VPS26C: variants seen among roughly 807,000 people sequenced by gnomAD.
The protein encoded by VPS26C is vacuolar protein sorting-associated protein 26C.
In VPS26C, 19 loss-of-function variants were observed where a neutral mutation model predicts 30.6. That is an observed-to-expected ratio of 0.62 (90% CI 0.43 to 0.91). VPS26C has a LOEUF of 0.91. Ranked by LOEUF, VPS26C falls within the 40% of genes least tolerant of loss-of-function variation. VPS26C has a pLI of 0.00. For missense variants in VPS26C, 318 were observed against 385.1 expected, an observed-to-expected ratio of 0.83 and a Z score of 1.46; for synonymous variants, 132 against 151.5, an observed-to-expected ratio of 0.87 and a Z score of 0.95.
chr21:37,245,835 T>C (rs894384247), intron 1 of VPS26C, among the ~76,000 whole-genome samples: 1 of 151,950 alleles, frequency 6.6e-6, no homozygotes, highest in Non-Finnish European at 1.5e-5. Flanking sequence ...AACAGAGCTA[T>C]AAGAGCTCAG....
rs756150340 is a variant in VPS26C, at chr21:37,238,503, T to C, written c.308A>G (p.Lys103Arg). 1 of 1,614,142 alleles carries C rather than the reference T, an allele frequency of 6.2e-7. No homozygotes were observed. The highest frequency in any genetic ancestry group is 8.5e-7 in the Non-Finnish European group (1 of 1,180,034). ...GCCATGATACGTCTCATACAGAACT[T>C]TGTTACCCTTCAAGTGCAGAGGAAA... ...FEFPLHLKGN[K>R]VLYETYHGVF... The change falls in exon 3 of 8, where the codon AAA becomes AGA. Residue 103 changes from lysine to arginine, a missense_variant. Coordinates refer to ENST00000309117, the MANE Select transcript of VPS26C (RefSeq NM_006052.2).
At chr21:37,243,877 CAG>C (rs1469690226) in intron 1 of VPS26C, among the ~76,000 whole-genome samples, 2 of 152,210 alleles carry the variant, frequency 1.3e-5, no homozygotes, top group African/African-American at 4.8e-5. Context: ...ACTTGTAACA[CAG>C]GGGAACGGAG....
At chr21:37,264,496 C>T (rs1342816029) in intron 1 of VPS26C, among the ~76,000 whole-genome samples, 1 of 152,206 alleles carries the variant, frequency 6.6e-6, no homozygotes, top group African/African-American at 2.4e-5. Context: ...TTTAAAACCA[C>T]AGAAAATATC....
In VPS26C at chr21:37,233,509, T is replaced by A. The variant is rs1047957669; in HGVS notation, c.352-67A>T. The stretch of plus-strand genomic sequence containing the variant: ...ATTTGCTTTCATCTTGGAATTATAT[T>A]CAAAGAGACAAGTCAGTCAACATAT... On this transcript the variant is annotated intron_variant, in intron 3 of 7. Coordinates refer to ENST00000309117, the MANE Select transcript of VPS26C (RefSeq NM_006052.2). This position sits in a 1 kb window ranked among gnomAD's most constrained non-coding sequence, Gnocchi z 5.2. 2 of 1,150,356 alleles carry A rather than the reference T, an allele frequency of 1.7e-6. No homozygotes were observed. The allele number at this position is 1,150,356 out of a possible 1,614,324, so 71.3% of individuals were successfully genotyped here.
At chr21:37,249,837 T>C (rs1490759794) in intron 1 of VPS26C, among the ~76,000 whole-genome samples, 2 of 152,090 alleles carry the variant, frequency 1.3e-5, no homozygotes, top group Admixed American at 6.5e-5. Flanking sequence ...ATTTACAAAG[T>C]GTCATACAGC....
At chr21:37,267,455 G>A (rs1305204156), upstream of VPS26C, 5 of 490,508 alleles carry the variant, frequency 1.0e-5, no homozygotes, top group East Asian at 9.7e-5. Flanking sequence ...AGCTCCGAGG[G>A]GCGAATGCCC....
chr21:37,230,670 C>T (rs2085952060), intron 5 of VPS26C: 1 of 152,266 alleles, frequency 6.6e-6, no homozygotes, highest in Non-Finnish European at 1.5e-5. Context: ...CCGTGGGGAC[C>T]ACCCCAGTGA....
At chr21:37,242,445 T>A (rs530155898) in intron 1 of VPS26C, among the ~76,000 whole-genome samples, 2 of 151,720 alleles carry the variant, frequency 1.3e-5, no homozygotes, top group Admixed American at 1.3e-4. Context: ...AATAAAAAAA[T>A]TTTAAAAATT....
intron 1 of VPS26C, among the ~76,000 whole-genome samples, chr21:37,256,331 G>T (rs1314511883): frequency 6.6e-6 from 1 of 152,236 alleles, no homozygotes; most frequent in Non-Finnish European, 1.5e-5. Flanking sequence ...GGGATGTGAG[G>T]AAGAGTCAGG....
chr21:37,264,257 A>G lies in VPS26C; in HGVS notation c.57+2981T>C, dbSNP rs2086335901. 2.0e-5 allele frequency among the ~76,000 whole-genome samples: 3 copies of G among 152,354 alleles called. No homozygotes were observed. In the South Asian group the frequency reaches 6.2e-4, roughly 32 times the overall value. Reference sequence around the variant, plus strand: ...ATAAGGTTTCCTTTAAAATGCATGTAAGTATAAAAAGTGACTGAAGGTTGA... The same window carrying G: ...ATAAGGTTTCCTTTAAAATGCATGTGAGTATAAAAAGTGACTGAAGGTTGA... On this transcript the variant is annotated intron_variant, in intron 1 of 7. Coordinates refer to ENST00000309117, the MANE Select transcript of VPS26C (RefSeq NM_006052.2).
chr21:37,240,483 C>T lies in VPS26C; in HGVS notation c.201+13G>A. ...TTGAACTAAAAACTTGCAATCTAAG[C>T]ATTCTTTCTTACCTTAACAGAATTA... is the stretch of plus-strand genomic sequence containing the variant. On this transcript the variant is annotated intron_variant, in intron 2 of 7. Transcript: ENST00000309117. The T allele has an allele frequency of 5.6e-6, 9 of 1,613,308 alleles. No individual in the cohort carries two copies. The highest frequency in any genetic ancestry group is 7.6e-6 in the Non-Finnish European group (9 of 1,179,742).
At chr21:37,242,403 C>G (rs563975245) in intron 1 of VPS26C, among the ~76,000 whole-genome samples, 1 of 151,992 alleles carries the variant, frequency 6.6e-6, no homozygotes, top group South Asian at 2.1e-4. Flanking sequence ...TCGAGACCAG[C>G]CTGTGCTGCA....
At chr21:37,238,994 G>A (rs989925095) in intron 2 of VPS26C, among the ~76,000 whole-genome samples, 4 of 152,158 alleles carry the variant, frequency 2.6e-5, no homozygotes, top group African/African-American at 4.8e-5. Context: ...CCCCCTCACC[G>A]AGCCCCGTGC....
chr21:37,240,891 C>A (rs763569068), intron 1 of VPS26C, among the ~76,000 whole-genome samples: 10 of 152,204 alleles, frequency 6.6e-5, no homozygotes, highest in Non-Finnish European at 1.5e-4. Context: ...CGTCCCGTCA[C>A]TGCCTCTCAG....
In VPS26C at chr21:37,224,630, G is replaced by C. The variant is rs2085880514; in HGVS notation, c.*914C>G. The C allele has an allele frequency of 6.6e-6, 1 of 152,168 alleles. No homozygotes were observed. The allele number at this position is 152,168 out of a possible 1,614,324, so 9.4% of individuals were successfully genotyped here. ...CGGCACCAGCCAAATCCCCCCAAGA[G>C]AGCAAGGAACACTTTTCCAGTTGCT... On this transcript the variant is annotated 3_prime_UTR_variant, in exon 8 of 8. Transcript: ENST00000309117.
At position 37,257,829 on chromosome 21, in the gene VPS26C, G is replaced by A. The variant is rs561390555; in HGVS notation, c.57+9409C>T. Among the ~76,000 whole-genome samples the A allele has an allele frequency of 5.9e-5, 9 of 152,324 alleles. No homozygotes were observed. In the East Asian group the frequency reaches 1.7e-3, roughly 29 times the overall value. ...GCGGAAAGGAAAGTCGGCGTTAGCT[G>A]GATTGGAAACAGTCCAGACAGAACG... On this transcript the variant is annotated intron_variant, in intron 1 of 7. Transcript: ENST00000309117. The surrounding 1 kb of genome is among the most constrained non-coding windows in gnomAD (Gnocchi z 4.2).
chr21:37,256,520 C>T (rs1175990521), intron 1 of VPS26C, among the ~76,000 whole-genome samples: 1 of 152,112 alleles, frequency 6.6e-6, no homozygotes, highest in Non-Finnish European at 1.5e-5. Flanking sequence ...AAACGATGTT[C>T]ATTTTATTGA....
chr21:37,265,554 T>C (rs2086349817), intron 1 of VPS26C, among the ~76,000 whole-genome samples: 2 of 152,226 alleles, frequency 1.3e-5, no homozygotes, highest in Admixed American at 1.3e-4. Context: ...CGAATTTATA[T>C]TTTATCAGAA....
intron 7 of VPS26C, 38 bp downstream of exon 7, chr21:37,227,616 C>G: frequency 6.5e-7 from 1 of 1,528,036 alleles, no homozygotes; most frequent in Non-Finnish European, 8.7e-7. Context: ...CGGCCCTTCC[C>G]ATGGGCCCAT....
Sources: gnomAD v4.1 joint callset for allele counts (sites outside exome capture counted in the v4.1 genomes callset) on GRCh38, gnomAD v4.1.1 for gene constraint, Gnocchi (gnomAD v3.1) non-coding constraint, MANE v1.5 for transcripts, NCBI Gene and HGNC (gene_info 2026-07-23, HGNC 2026-07-21) for gene names.